Variants in CEP85 observed in about 807,000 individuals in gnomAD.
CEP85 encodes the protein centrosomal protein 85.
A neutral mutation model predicts 93.7 loss-of-function variants in CEP85; 58 were observed. The observed-to-expected ratio is 0.62, with a 90% confidence interval of 0.50 to 0.77. The LOEUF is 0.77. Among genes scored for constraint, CEP85 ranks in the 30% least tolerant of loss-of-function variants. The pLI is 0.00. For synonymous variants in CEP85, 314 were observed against 338.6 expected, an observed-to-expected ratio of 0.93 and a Z score of 0.80; for missense variants, 868 against 922.0, an observed-to-expected ratio of 0.94 and a Z score of 0.76.
In CEP85 at chr1:26,276,616, C is replaced by T. The variant is rs369275296; in HGVS notation, c.1984C>T (p.Pro662Ser). 6.2e-7 allele frequency: 1 copy of T among 1,614,122 alleles called. No homozygotes were observed. Among genetic ancestry groups the T allele is most frequent in the African/African-American group, 1.3e-5 (1 of 74,950 alleles). ...GCGCCAGGCCCAACCAGGGTCTCCACCTTCACCAGACACGGCCCAGCTGGC... is the reference window on the plus strand; with the variant it reads ...GCGCCAGGCCCAACCAGGGTCTCCATCTTCACCAGACACGGCCCAGCTGGC... ...HLRQAQPGSPPSPDTAQLALE... is the reference protein window; with the variant it reads ...HLRQAQPGSPSSPDTAQLALE... The change falls in exon 13 of 14, where the codon CCT becomes TCT. Residue 662 changes from proline (P) to serine (S), a missense_variant. By Grantham distance (74) the Pro-to-Ser change is moderately conservative (BLOSUM62 -1). Transcript: ENST00000451429.
chr1:26,255,263 A>G lies in CEP85; in HGVS notation c.301A>G (p.Thr101Ala). 1 of 1,613,870 alleles carries G rather than the reference A, an allele frequency of 6.2e-7. No homozygotes were observed. Among genetic ancestry groups the G allele is most frequent in the Non-Finnish European group, 8.5e-7 (1 of 1,179,960 alleles). Residue 101 changes from threonine to alanine, a missense_variant, in exon 4 of 14, where the codon ACC becomes GCC. Coordinates refer to ENST00000451429, the MANE Select transcript of CEP85 (RefSeq NM_001319944.2). ...CCATGTGATGCCTTCTACTTTAGGG[A>G]CCTCTCCTGCCAAGCCAAATTCTAC... ...TAHVMPSTLG[T>A]SPAKPNSTPV...
At chr1:26,236,548 C>CT (rs1454155488) in intron 1 of CEP85, among the ~76,000 whole-genome samples, 1 of 152,184 alleles carries the variant, frequency 6.6e-6, no homozygotes, top group African/African-American at 2.4e-5. Flanking sequence ...AGTAGCTCAT[C>CT]TAATTCTTAA....
rs747967306 is a variant in CEP85, at chr1:26,257,624, CCTG to C, written c.937_939del (p.Ala313del). The C allele has an allele frequency of 7.4e-6, 12 of 1,614,198 alleles. No individual in the cohort carries two copies. The highest frequency in any genetic ancestry group is 1.7e-4 in the Middle Eastern group (1 of 6,058). On this transcript the variant is annotated inframe_deletion, in exon 5 of 14. Coordinates refer to ENST00000451429, the MANE Select transcript of CEP85 (RefSeq NM_001319944.2). ...TCAGAATGGAGCCATCTGCCACCATCCTGCTGCTTTTGGTCCTTCACTGCCCAT... is the reference window on the plus strand; with the variant it reads ...TCAGAATGGAGCCATCTGCCACCATCCTGCTTTTGGTCCTTCACTGCCCAT...
intron 4 of CEP85, among the ~76,000 whole-genome samples, chr1:26,256,928 G>GGGGGGTGTGTGTGTGTGT (rs1553159974): frequency 8.1e-5 from 9 of 111,490 alleles, no homozygotes; most frequent in African/African-American, 3.0e-4. Flanking sequence ...GTTTTGTTTT[G>GGGGGGTGTGTGTGTGTGT]GTGTGTGTGT....
chr1:26,255,150 G>A (rs1397934875), intron 3 of CEP85, 21 bp from the exon 4 acceptor site: 2 of 1,596,982 alleles, frequency 1.3e-6, no homozygotes, highest in African/African-American at 1.3e-5. Flanking sequence ...TTTTACTTAT[G>A]GAAGACTATT....
intron 3 of CEP85, among the ~76,000 whole-genome samples, chr1:26,244,715 G>A (rs552157042): frequency 6.6e-5 from 10 of 152,176 alleles, no homozygotes; most frequent in African/African-American, 1.4e-4. Flanking sequence ...TAGAGATGGC[G>A]TTTTGCCATG....
intron 7 of CEP85, among the ~76,000 whole-genome samples, chr1:26,264,285 C>G (rs1036400679): frequency 3.3e-5 from 5 of 152,202 alleles, no homozygotes; most frequent in African/African-American, 1.2e-4. Flanking sequence ...GTGATCCCAG[C>G]ACTTTGGGAG....
intron 1 of CEP85, among the ~76,000 whole-genome samples, chr1:26,235,496 A>G (rs376550694): frequency 6.6e-6 from 1 of 151,458 alleles, no homozygotes; most frequent in Non-Finnish European, 1.5e-5. Context: ...TATCCCTTCA[A>G]ATCCTCTCTT....
intron 2 of CEP85, among the ~76,000 whole-genome samples, chr1:26,243,857 G>A (rs1163613746): frequency 1.3e-5 from 2 of 151,856 alleles, no homozygotes; most frequent in Non-Finnish European, 2.9e-5. Flanking sequence ...AATTAACTGG[G>A]CGTGGTGGTG....
At chr1:26,250,925 C>G (rs4659414) in intron 3 of CEP85, among the ~76,000 whole-genome samples, 5 of 55,134 alleles carry the variant, frequency 9.1e-5, no homozygotes, top group South Asian at 1.0e-3. Context: ...TTTTTTTTTT[C>G]TTTTTTCTTT....
intron 3 of CEP85, among the ~76,000 whole-genome samples, chr1:26,249,351 G>A (rs922416668): frequency 1.3e-5 from 2 of 152,218 alleles, no homozygotes; most frequent in Non-Finnish European, 2.9e-5. Flanking sequence ...CAAAGTGTTG[G>A]GATTATAGGC....
Position 26,255,601 on chromosome 1 carries a change from C to A in CEP85, c.639C>A (p.Ser213Arg). The A allele has an allele frequency of 1.2e-6, 2 of 1,614,102 alleles. No homozygotes were observed. Among genetic ancestry groups the A allele is most frequent in the Non-Finnish European group, 1.7e-6 (2 of 1,180,022 alleles). Residue 213 changes from serine to arginine, a missense_variant, in exon 4 of 14, where the codon AGC (serine) becomes AGA (arginine). Coordinates refer to ENST00000451429, the MANE Select transcript of CEP85 (RefSeq NM_001319944.2). ...HRVRFHNPRT[S>R]TSKELYRVLP... ...TCCGCTTCCACAACCCAAGAACCAG[C>A]ACAAGTAAGGAGTTGTACAGAGTGT...
chr1:26,234,662 G>A (rs1334351953), intron 1 of CEP85, among the ~76,000 whole-genome samples: 1 of 152,240 alleles, frequency 6.6e-6, no homozygotes, highest in Non-Finnish European at 1.5e-5. Flanking sequence ...ATCCCTCGGC[G>A]CGCAGTGAGG....
At chr1:26,261,024 C>T (rs1053479866) in intron 7 of CEP85, among the ~76,000 whole-genome samples, 1 of 151,440 alleles carries the variant, frequency 6.6e-6, no homozygotes, top group Non-Finnish European at 1.5e-5. Flanking sequence ...CTCCTGACCT[C>T]AGGTGATCCA....
rs766159435 is a variant in CEP85, at chr1:26,275,055, G to A, written c.1886G>A (p.Arg629His). Residue 629 changes from arginine (R) to histidine (H), a missense_variant, in exon 12 of 14, where the codon CGC becomes CAC. Transcript: ENST00000451429. ...QRRDSALQQL[R>H]TAVKELSVQN... The stretch of plus-strand genomic sequence containing the variant: ...AGGGATTCAGCCCTGCAGCAGCTGC[G>A]CACAGCCGTGAAGGAGGTGAGCAAC... The A allele has an allele frequency of 4.4e-6, 7 of 1,575,084 alleles. No individual in the cohort carries two copies. Among genetic ancestry groups the A allele is most frequent in the Admixed American group, 1.8e-5 (1 of 54,562 alleles).
rs968921758 is a variant in CEP85, at chr1:26,272,297, C to T, written c.1794+226C>T. On this transcript the variant is annotated intron_variant, in intron 11 of 13. Coordinates refer to ENST00000451429, the MANE Select transcript of CEP85 (RefSeq NM_001319944.2). ...GTCCCCACAGTATCCTGGGGGAGTG[C>T]AGGAGAGTCAGTGGGAGGAAGGGAG... 4 of 532,352 alleles carry T rather than the reference C, an allele frequency of 7.5e-6. No homozygotes were observed. In the African/African-American group the frequency reaches 7.6e-5, roughly 10 times the overall value. The allele number at this position is 532,352 out of a possible 1,614,324, so 33.0% of individuals were successfully genotyped here.
chr1:26,272,617 A>ACTTT (rs2089991803), intron 11 of CEP85, among the ~76,000 whole-genome samples: 1 of 89,670 alleles, frequency 1.1e-5, no homozygotes, highest in Non-Finnish European at 2.1e-5. Flanking sequence ...CTATTACAGC[A>ACTTT]TTTTTTTTTT....
In CEP85 at chr1:26,255,316, C is replaced by T. The variant is rs376383693; in HGVS notation, c.354C>T (p.Leu118=). 1.6e-4 allele frequency: 264 copies of T among 1,614,046 alleles called. No individual in the cohort carries two copies. The highest frequency in any genetic ancestry group is 2.1e-4 in the Non-Finnish European group (242 of 1,180,026). Residue 118 remains leucine, a synonymous_variant, in exon 4 of 14, where the codon CTC becomes CTT. Coordinates refer to ENST00000451429, the MANE Select transcript of CEP85 (RefSeq NM_001319944.2). The part of the protein sequence containing the change: ...STPVGPSSSK[L]PLSGLAESVG... ...CTGTTGGACCCTCTTCCTCTAAACT[C>T]CCTTTGTCAGGGTTGGCTGAAAGTG... is the stretch of plus-strand genomic sequence containing the variant.
In CEP85 at chr1:26,255,856, G is replaced by A. The variant is rs2089691842; in HGVS notation, c.894G>A (p.Glu298=). The change falls in exon 4 of 14, where the codon GAG becomes GAA. Residue 298 remains glutamate, a synonymous_variant. Transcript: ENST00000451429. ...TGGAATTGATTCGTTTACAGATGGA[G>A]CAAATGCAGGTAGAGGTCTATCTTT... The part of the protein sequence containing the change: ...QQLELIRLQM[E]QMQLQNGAIC... 1 of 1,605,990 alleles carries A rather than the reference G, an allele frequency of 6.2e-7. No individual in the cohort carries two copies. The highest frequency in any genetic ancestry group is 1.7e-5 in the Admixed American group (1 of 59,570).
Sources: allele counts gnomAD v4.1 joint callset (sites outside exome capture counted in the v4.1 genomes callset), GRCh38; gene constraint gnomAD v4.1.1; transcripts MANE v1.5; gene names NCBI Gene and HGNC (gene_info 2026-07-23, HGNC 2026-07-21).